Variants in H2BC12 observed in about 807,000 individuals in gnomAD.
H2BC12 encodes the protein histone H2B type 1-K.
A neutral mutation model predicts 6.3 loss-of-function variants in H2BC12; 6 were observed. That is an observed-to-expected ratio of 0.95 (90% CI 0.52 to 1.87). The LOEUF (loss-of-function observed/expected upper bound fraction) is 1.87, where lower values mean the gene tolerates loss of function less well. H2BC12 is among the 40% of genes most tolerant of loss of function. The probability of loss-of-function intolerance (pLI) is 0.01; values close to 1 mark genes in which losing one functional copy is unlikely to be tolerated. For synonymous variants in H2BC12, 132 were observed against 78.5 expected (o/e 1.68, Z -3.60); for missense variants, 119 against 178.4 (o/e 0.67, Z 1.90).
chr6:27,139,637 C>T, the H2BC12 span: 8 of 1,591,108 alleles, frequency 5.0e-6, no homozygotes, highest in Admixed American at 5.3e-5. Context: ...TTTTGAAGCC[C>T]AGTCATTCTC....
Position 27,146,394 on chromosome 6 carries a change from C to CT in H2BC12, c.*23dup, listed in dbSNP as rs923573306. ...TCTTAAAAGAGCCTTTGGGGTTGGG[C>CT]TTTAAGACGCTTACTTGGCAAGTTT... On this transcript the variant is annotated 3_prime_UTR_variant, in exon 1 of 1. Transcript: ENST00000356950. The CT allele has an allele frequency of 1.9e-6, 3 of 1,614,026 alleles. No individual in the cohort carries two copies. The highest frequency in any genetic ancestry group is 1.6e-4 in the Middle Eastern group (1 of 6,084).
chr6:27,143,997 G>A (rs1760038691), downstream of H2BC12, among the ~76,000 whole-genome samples: 1 of 151,950 alleles, frequency 6.6e-6, no homozygotes, highest in South Asian at 2.1e-4. Context: ...TAATACACGT[G>A]GCTAATGAGA....
the H2BC12 span, chr6:27,139,838 T>TG: frequency 2.8e-6 from 2 of 707,338 alleles, no homozygotes; most frequent in Non-Finnish European, 4.4e-6. Flanking sequence ...GAAGAGCCTC[T>TG]GCTGGCCAGT....
downstream of H2BC12, among the ~76,000 whole-genome samples, chr6:27,141,945 G>A (rs1237379159): frequency 2.0e-5 from 3 of 152,186 alleles, no homozygotes; most frequent in Non-Finnish European, 2.9e-5. Flanking sequence ...CACTTACAAT[G>A]TGGCATGTGA....
chr6:27,139,422 TGCTCGCCGCG>T, the H2BC12 span: 1 of 1,614,198 alleles, frequency 6.2e-7, no homozygotes, highest in Non-Finnish European at 8.5e-7. Flanking sequence ...TTCGGCGCCT[TGCTCGCCGCG>T]GCGGCGTGAA....
At chr6:27,143,774 T>G (rs1346517706), downstream of H2BC12, among the ~76,000 whole-genome samples, 2 of 148,694 alleles carry the variant, frequency 1.3e-5, no homozygotes, top group South Asian at 4.2e-4. Context: ...CAGCAGGCTG[T>G]AACAATTGCT....
At chr6:27,143,846 T>TAAAAAAAAAAAAAAAAA (rs34292040), downstream of H2BC12, among the ~76,000 whole-genome samples, 1 of 113,628 alleles carries the variant, frequency 8.8e-6, no homozygotes, top group African/African-American at 3.5e-5. Context: ...AACTACTCTT[T>TAAAAAAAAAAAAAAAAA]AAAAAAAAAA....
chr6:27,142,127 C>T (rs1760013351), downstream of H2BC12, among the ~76,000 whole-genome samples: 1 of 151,828 alleles, frequency 6.6e-6, no homozygotes, highest in South Asian at 2.1e-4. Context: ...TTTGATATAC[C>T]ATAAAAGTGT....
chr6:27,146,511 C>T lies in H2BC12; in HGVS notation c.288G>A (p.Gln96=). 6.2e-7 allele frequency: 1 copy of T among 1,614,262 alleles called. No individual in the cohort carries two copies. Among genetic ancestry groups the T allele is most frequent in the Non-Finnish European group, 8.5e-7 (1 of 1,180,044 alleles). ...CGGGCAGCAGCAGGCGCACGGCCGTCTGGATCTCCCTGGAGGTGATGGTCG... is the reference window on the plus strand; with the variant it reads ...CGGGCAGCAGCAGGCGCACGGCCGTTTGGATCTCCCTGGAGGTGATGGTCG... ...KRSTITSREI[Q]TAVRLLLPGE... is the part of the protein sequence containing the mutation. Residue 96 remains glutamine, a synonymous_variant, in exon 1 of 1, where the codon CAG becomes CAA. Coordinates refer to ENST00000356950, the MANE Select transcript of H2BC12 (RefSeq NM_001312653.2).
the H2BC12 span, chr6:27,139,679 T>C: frequency 6.5e-7 from 1 of 1,532,708 alleles, no homozygotes; most frequent in Non-Finnish European, 8.7e-7. Context: ...CCCTAAGCTT[T>C]CAACAAAAGA....
downstream of H2BC12, among the ~76,000 whole-genome samples, chr6:27,142,176 AG>A (rs1161409439): frequency 4.6e-5 from 7 of 152,238 alleles, no homozygotes; most frequent in Non-Finnish European, 8.8e-5. Context: ...AAATGAAAAA[AG>A]AATACAAGAT....
downstream of H2BC12, among the ~76,000 whole-genome samples, chr6:27,146,206 T>G (rs1362073709): frequency 6.6e-6 from 1 of 152,218 alleles, no homozygotes; most frequent in South Asian, 2.1e-4. Context: ...CACTCAGTAC[T>G]AACAAAGTGT....
At chr6:27,143,994 C>T (rs991893201), downstream of H2BC12, among the ~76,000 whole-genome samples, 2 of 151,710 alleles carry the variant, frequency 1.3e-5, no homozygotes, top group African/African-American at 2.4e-5. Context: ...AATTAATACA[C>T]GTGGCTAATG....
downstream of H2BC12, among the ~76,000 whole-genome samples, chr6:27,141,751 G>A (rs997471644): frequency 3.3e-5 from 5 of 152,012 alleles, no homozygotes; most frequent in African/African-American, 4.8e-5. Flanking sequence ...AATGTAACAC[G>A]TCCTTCCCTG....
downstream of H2BC12, among the ~76,000 whole-genome samples, chr6:27,143,596 C>T (rs979918516): frequency 1.3e-5 from 2 of 150,702 alleles, no homozygotes; most frequent in Non-Finnish European, 2.9e-5. Flanking sequence ...CTCTTTACTT[C>T]CAACTTCTAG....
downstream of H2BC12, among the ~76,000 whole-genome samples, chr6:27,141,930 T>A (rs1760011126): frequency 6.6e-6 from 1 of 152,166 alleles, no homozygotes; most frequent in Non-Finnish European, 1.5e-5. Flanking sequence ...TGCATGGAGT[T>A]TGAGCACTTA....
At chr6:27,143,757 C>T (rs902047538), downstream of H2BC12, among the ~76,000 whole-genome samples, 7 of 150,386 alleles carry the variant, frequency 4.7e-5, no homozygotes, top group East Asian at 2.0e-4. Context: ...TCTGTGCAAG[C>T]GTTCTTCAGC....
At chr6:27,140,192 A>G in the H2BC12 span, among the ~76,000 whole-genome samples, 1 of 152,316 alleles carries the variant, frequency 6.6e-6, no homozygotes, top group African/African-American at 2.4e-5. Flanking sequence ...ATACTGGAAT[A>G]TATCAAGTAT....
the H2BC12 span, chr6:27,139,274 C>A: frequency 1.3e-6 from 2 of 1,546,314 alleles, no homozygotes; most frequent in Non-Finnish European, 1.7e-6. Context: ...GCTGCCATCA[C>A]AGGCAGCAGA....
Sources: allele counts gnomAD v4.1 joint callset (sites outside exome capture counted in the v4.1 genomes callset), GRCh38; gene constraint gnomAD v4.1.1; transcripts MANE v1.5; gene names NCBI Gene and HGNC (gene_info 2026-07-23, HGNC 2026-07-21).